Variants in KCNH8 observed in about 807,000 individuals in gnomAD.
The protein encoded by KCNH8 is potassium voltage-gated channel subfamily H member 8, also known as voltage-gated delayed rectifier potassium channel KCNH8.
KCNH8 carries 70 observed loss-of-function variants against 103.6 expected under a neutral mutation model. That is an observed-to-expected ratio of 0.68 (90% CI 0.56 to 0.82). KCNH8 has a LOEUF of 0.82. Among genes scored for constraint, KCNH8 ranks in the 40% least tolerant of loss-of-function variants. The pLI is 0.00. For synonymous variants in KCNH8, 498 were observed against 489.4 expected (o/e 1.02, Z -0.23); for missense variants, 1,217 against 1,329.9 (o/e 0.92, Z 1.32).
intron 2 of KCNH8, among the ~76,000 whole-genome samples, chr3:19,271,648 T>A (rs532300821): frequency 2.5e-4 from 38 of 152,314 alleles, no homozygotes; most frequent in African/African-American, 8.7e-4. Context: ...TTCACAGCTC[T>A]TAACCCTGGC....
chr3:19,321,510 G>T (rs1320832851), intron 3 of KCNH8, among the ~76,000 whole-genome samples: 1 of 151,824 alleles, frequency 6.6e-6, no homozygotes, highest in Non-Finnish European at 1.5e-5. Flanking sequence ...TATTGGAGTT[G>T]ATTTCCAATT....
chr3:19,478,268 G>A (rs1341987490), intron 11 of KCNH8, among the ~76,000 whole-genome samples: 1 of 151,792 alleles, frequency 6.6e-6, no homozygotes, highest in Non-Finnish European at 1.5e-5. Flanking sequence ...TCATTTTGAT[G>A]TAATGATTTC....
At chr3:19,460,955 T>A (rs2067616111) in intron 11 of KCNH8, among the ~76,000 whole-genome samples, 1 of 152,272 alleles carries the variant, frequency 6.6e-6, no homozygotes, top group Admixed American at 6.5e-5. Flanking sequence ...GATTGTAAGT[T>A]TTCTGAGACC....
At chr3:19,267,749 TA>T (rs1260762904) in intron 2 of KCNH8, among the ~76,000 whole-genome samples, 3 of 152,102 alleles carry the variant, frequency 2.0e-5, no homozygotes, top group Non-Finnish European at 2.9e-5. Flanking sequence ...AAGAAACACA[TA>T]AATGCTTGTT....
chr3:19,265,382 A>G (rs2064494657), intron 2 of KCNH8, among the ~76,000 whole-genome samples: 1 of 152,122 alleles, frequency 6.6e-6, no homozygotes, highest in Non-Finnish European at 1.5e-5. Context: ...GTTAAATGAA[A>G]GCATGGGGCC....
intron 1 of KCNH8, among the ~76,000 whole-genome samples, chr3:19,190,297 A>T (rs981079501): frequency 2.6e-5 from 4 of 151,956 alleles, no homozygotes; most frequent in Non-Finnish European, 5.9e-5. Flanking sequence ...TCTTGATAAC[A>T]AATCAGCTTC....
intron 2 of KCNH8, among the ~76,000 whole-genome samples, chr3:19,272,897 C>A (rs943407542): frequency 2.0e-5 from 3 of 152,090 alleles, no homozygotes; most frequent in Admixed American, 6.5e-5. Context: ...TTAGAATATA[C>A]GTCCTTTCAG....
chr3:19,439,007 A>C (rs2067240801), intron 8 of KCNH8, among the ~76,000 whole-genome samples: 1 of 152,242 alleles, frequency 6.6e-6, no homozygotes, highest in Non-Finnish European at 1.5e-5. Context: ...CCCAATAACA[A>C]AACAAATTTC....
At chr3:19,455,650 T>A (rs1349831317) in intron 10 of KCNH8, among the ~76,000 whole-genome samples, 5 of 152,062 alleles carry the variant, frequency 3.3e-5, no homozygotes, top group African/African-American at 9.7e-5. Context: ...TTGCCAGGAC[T>A]CAATACAAGG....
chr3:19,278,496 G>A (rs1356528135), intron 2 of KCNH8, among the ~76,000 whole-genome samples: 1 of 111,024 alleles, frequency 9.0e-6, no homozygotes, highest in Non-Finnish European at 1.8e-5. Context: ...AGGGAAATGA[G>A]GAAGGGAGGG....
At chr3:19,242,896 AAAC>A (rs1236738828) in intron 1 of KCNH8, among the ~76,000 whole-genome samples, 1 of 152,152 alleles carries the variant, frequency 6.6e-6, no homozygotes, top group Non-Finnish European at 1.5e-5. Flanking sequence ...ACAAAAGAAA[AAAC>A]AAAACAAAAC....
intron 7 of KCNH8, among the ~76,000 whole-genome samples, chr3:19,427,245 T>C (rs893582367): frequency 2.6e-5 from 4 of 152,182 alleles, no homozygotes; most frequent in African/African-American, 9.6e-5. Context: ...CTAGATACTG[T>C]AGTTTGGTTA....
chr3:19,390,371 G>A, intron 5 of KCNH8, 110 bp from the exon 6 acceptor site: 1 of 790,316 alleles, frequency 1.3e-6, no homozygotes, highest in Non-Finnish European at 2.0e-6. Context: ...CTTCCTGCTT[G>A]TTTGCCTGCC....
intron 5 of KCNH8, among the ~76,000 whole-genome samples, chr3:19,367,230 C>G (rs771553986): frequency 1.4e-4 from 21 of 151,614 alleles, no homozygotes; most frequent in Admixed American, 5.9e-4. Context: ...TTTTCTTATC[C>G]TTGAAGTATC....
At chr3:19,203,145 G>A (rs549742903) in intron 1 of KCNH8, among the ~76,000 whole-genome samples, 3 of 152,140 alleles carry the variant, frequency 2.0e-5, no homozygotes, top group South Asian at 2.1e-4. Context: ...GAGAAACTAA[G>A]CAAATTAAAT....
chr3:19,227,310 G>A (rs537080332), intron 1 of KCNH8, among the ~76,000 whole-genome samples: 11 of 152,236 alleles, frequency 7.2e-5, no homozygotes, highest in Admixed American at 5.9e-4. Context: ...TACATCTAAT[G>A]AGCCAGTATT....
At chr3:19,155,941 G>T (rs1259990468) in intron 1 of KCNH8, among the ~76,000 whole-genome samples, 1 of 152,150 alleles carries the variant, frequency 6.6e-6, no homozygotes, top group African/African-American at 2.4e-5. Context: ...AATGGTCTTT[G>T]CTCAGTAAAT....
At chr3:19,366,439 T>C (rs576110231) in intron 5 of KCNH8, among the ~76,000 whole-genome samples, 3 of 152,198 alleles carry the variant, frequency 2.0e-5, no homozygotes, top group South Asian at 4.1e-4. Flanking sequence ...TTACTGTAAA[T>C]AGACTATGAG....
intron 1 of KCNH8, among the ~76,000 whole-genome samples, chr3:19,209,602 G>C (rs2063749914): frequency 6.6e-6 from 1 of 151,960 alleles, no homozygotes; most frequent in Non-Finnish European, 1.5e-5. Context: ...CAAGATATTT[G>C]AACTCCCCTG....
Sources: gnomAD v4.1 joint callset for allele counts (sites outside exome capture counted in the v4.1 genomes callset) on GRCh38, gnomAD v4.1.1 for gene constraint, MANE v1.5 for transcripts, NCBI Gene and HGNC (gene_info 2026-07-23, HGNC 2026-07-21) for gene names.